PTPRD: variants seen among roughly 807,000 people sequenced by gnomAD.
The protein encoded by PTPRD is protein tyrosine phosphatase receptor type D.
In PTPRD, 34 loss-of-function variants were observed where a neutral mutation model predicts 214.5. The ratio of observed to expected loss-of-function variants is 0.16; its 90% CI spans 0.12 to 0.21. The LOEUF is 0.21. PTPRD is among the 10% of genes least tolerant of loss of function. The probability of loss-of-function intolerance (pLI) is 1.00; values close to 1 mark genes in which losing one functional copy is unlikely to be tolerated. For synonymous variants in PTPRD, 1,128 were observed against 845.7 expected (o/e 1.33, Z -5.79); for missense variants, 2,545 against 2,398.7 (o/e 1.06, Z -1.27).
At chr9:8,742,797 G>A (rs1008531062) in intron 11 of PTPRD, among the ~76,000 whole-genome samples, 3 of 152,026 alleles carry the variant, frequency 2.0e-5, no homozygotes, top group Admixed American at 6.6e-5. Context: ...CTAATTTAGC[G>A]CCTCGCAGGT....
chr9:8,353,091 C>A (rs1034368626), intron 39 of PTPRD, among the ~76,000 whole-genome samples: 1 of 152,034 alleles, frequency 6.6e-6, no homozygotes, highest in African/African-American at 2.4e-5. Flanking sequence ...AGCCTGGCGA[C>A]AGAACAAGAC....
At chr9:9,089,269 A>G (rs141554580) in intron 10 of PTPRD, among the ~76,000 whole-genome samples, 1,961 of 152,286 alleles carry the variant, frequency 0.013, 22 homozygotes, top group Middle Eastern at 0.031. Flanking sequence ...CCATAGTCAC[A>G]AATAATAGGT....
At chr9:8,751,976 G>A (rs1445075349) in intron 11 of PTPRD, among the ~76,000 whole-genome samples, 1 of 152,142 alleles carries the variant, frequency 6.6e-6, no homozygotes, top group East Asian at 1.9e-4. Flanking sequence ...CAAAAGCAAC[G>A]TTGTGTGCGT....
chr9:8,501,089 T>G, intron 23 of PTPRD, 30 bp from the exon 24 acceptor site: 1 of 1,576,714 alleles, frequency 6.3e-7, no homozygotes, highest in Non-Finnish European at 8.7e-7. Flanking sequence ...AAAGGAGGAT[T>G]TAAGTGAAAG....
At chr9:10,551,820 G>A (rs901208115) in intron 2 of PTPRD, among the ~76,000 whole-genome samples, 1 of 151,978 alleles carries the variant, frequency 6.6e-6, no homozygotes, top group African/African-American at 2.4e-5. Flanking sequence ...ACCAGCATAT[G>A]CCCAGAAAAA....
chr9:9,243,982 C>T (rs1437090105), intron 9 of PTPRD, among the ~76,000 whole-genome samples: 1 of 152,166 alleles, frequency 6.6e-6, no homozygotes, highest in Admixed American at 6.5e-5. Context: ...CACAAGCATT[C>T]TTATACACCA....
intron 5 of PTPRD, among the ~76,000 whole-genome samples, chr9:9,870,211 T>C (rs956932192): frequency 3.3e-5 from 5 of 152,046 alleles, no homozygotes; most frequent in Non-Finnish European, 7.4e-5. Context: ...ATTTCTATTT[T>C]GAAGTATGTT....
chr9:10,335,906 T>C (rs368833994), intron 3 of PTPRD, among the ~76,000 whole-genome samples: 5 of 151,786 alleles, frequency 3.3e-5, no homozygotes, highest in African/African-American at 9.7e-5. Context: ...TACGTACTTA[T>C]TAGAATGGCC....
intron 3 of PTPRD, among the ~76,000 whole-genome samples, chr9:10,061,609 G>A (rs905999113): frequency 6.6e-6 from 1 of 152,056 alleles, no homozygotes; most frequent in East Asian, 1.9e-4. Context: ...TCCCCACCAT[G>A]TCATTTAATA....
At chr9:8,865,241 TACA>T (rs2098175928) in intron 11 of PTPRD, among the ~76,000 whole-genome samples, 1 of 152,208 alleles carries the variant, frequency 6.6e-6, no homozygotes, top group Non-Finnish European at 1.5e-5. Context: ...CATTTGCCAG[TACA>T]ACAAGAAACC....
rs573092776 is a variant in PTPRD, at chr9:8,414,926, AGGG to A, written c.4087-10269_4087-10267del. ...TGGGGAGGGAGGGGGAGAGAGAGGG[AGGG>A]GGAGAGAGAGAGAGAGAGAGAGAGA... On this transcript the variant is annotated intron_variant, in intron 35 of 45. Coordinates refer to ENST00000381196, the MANE Select transcript of PTPRD (RefSeq NM_002839.4). Among the ~76,000 whole-genome samples, 8 of 55,814 alleles carry A rather than the reference AGGG, an allele frequency of 1.4e-4. 1 individual carries two copies. In the South Asian group the frequency reaches 5.7e-3, roughly 39 times the overall value. 36.6% of individuals were successfully genotyped at this position (55,814 alleles called of 152,430 possible). A position where few individuals can be genotyped will look rare whatever the true frequency, so the allele number is the denominator to read the frequency against.
At chr9:9,596,729 G>A (rs1046819210) in intron 7 of PTPRD, among the ~76,000 whole-genome samples, 3 of 151,938 alleles carry the variant, frequency 2.0e-5, no homozygotes, top group African/African-American at 7.2e-5. Flanking sequence ...GTACCTAATA[G>A]GCTTGTGTAT....
At chr9:9,330,666 T>C (rs1027882532) in intron 9 of PTPRD, among the ~76,000 whole-genome samples, 4 of 152,066 alleles carry the variant, frequency 2.6e-5, no homozygotes, top group African/African-American at 9.6e-5. Context: ...GACAAAGAGT[T>C]AATTTTGTCC....
intron 7 of PTPRD, among the ~76,000 whole-genome samples, chr9:9,705,332 A>T (rs1005300675): frequency 6.6e-6 from 1 of 152,204 alleles, no homozygotes; most frequent in South Asian, 2.1e-4. Flanking sequence ...TCTTAATTAG[A>T]TGGAGAATTA....
At chr9:8,870,714 A>ACACACG (rs1555457928) in intron 11 of PTPRD, among the ~76,000 whole-genome samples, 281 of 150,092 alleles carry the variant, frequency 1.9e-3, no homozygotes, top group African/African-American at 6.0e-3. Flanking sequence ...ACACACACAC[A>ACACACG]CACACACACA....
intron 3 of PTPRD, among the ~76,000 whole-genome samples, chr9:10,119,677 A>C (rs1484645284): frequency 6.6e-6 from 1 of 152,008 alleles, no homozygotes; most frequent in Non-Finnish European, 1.5e-5. Flanking sequence ...GAAATAATAA[A>C]ATAATTTAAA....
chr9:8,592,228 T>G (rs1023431327), intron 14 of PTPRD, among the ~76,000 whole-genome samples: 4 of 152,122 alleles, frequency 2.6e-5, no homozygotes, highest in Non-Finnish European at 4.4e-5. Context: ...TTCTTAAAGT[T>G]TCACTCTTCA....
intron 3 of PTPRD, among the ~76,000 whole-genome samples, chr9:10,278,813 T>C (rs34917326): frequency 0.053 from 7,999 of 152,050 alleles, 446 homozygotes; most frequent in Admixed American, 0.17. Context: ...CTCGCTCTGT[T>C]GCCCAGGCTG....
chr9:9,919,831 G>C (rs1414908240), intron 5 of PTPRD, among the ~76,000 whole-genome samples: 1 of 152,112 alleles, frequency 6.6e-6, no homozygotes, highest in Non-Finnish European at 1.5e-5. Context: ...ATCAATGCCT[G>C]TTTGAATTCA....
Sources: gnomAD v4.1 joint callset for allele counts (sites outside exome capture counted in the v4.1 genomes callset) on GRCh38, gnomAD v4.1.1 for gene constraint, MANE v1.5 for transcripts, NCBI Gene and HGNC (gene_info 2026-07-23, HGNC 2026-07-21) for gene names.